Variants in TEX2 observed in about 807,000 individuals in gnomAD.
The protein encoded by TEX2 is testis expressed 2, also known as testis-expressed protein 2.
TEX2 carries 53 observed loss-of-function variants against 106.9 expected under a neutral mutation model. That is an observed-to-expected ratio of 0.50 (90% CI 0.40 to 0.62). The LOEUF is 0.62. TEX2 is among the 20% of genes least tolerant of loss of function. The pLI, the probability that TEX2 is intolerant of heterozygous loss-of-function variation, is 0.00. For synonymous variants in TEX2, 523 were observed against 534.8 expected (o/e 0.98, Z 0.30); for missense variants, 1,207 against 1,379.0 (o/e 0.88, Z 1.98).
chr17:64,172,667 G>C (rs973861226), intron 6 of TEX2, among the ~76,000 whole-genome samples: 1 of 152,178 alleles, frequency 6.6e-6, no homozygotes, highest in African/African-American at 2.4e-5. Context: ...TCCAGAGAGA[G>C]TAACAGCTCC....
intron 11 of TEX2, chr17:64,149,331 T>C (rs16947494): frequency 0.024 from 11,193 of 461,018 alleles, 288 homozygotes; most frequent in South Asian, 0.087. Context: ...GGCCTTTGAT[T>C]TTGTATACAT....
chr17:64,205,841 A>G lies in TEX2; in HGVS notation c.1644+6733T>C, dbSNP rs1232972366. ...AATTTTAGTCAAACTTGCAGGCCAT[A>G]TCTTTAAAAAAGAGATGGATTATCA... is the stretch of plus-strand genomic sequence containing the variant. On this transcript the variant is annotated intron_variant, in intron 2 of 11. Transcript: ENST00000584379. This position sits in a 1 kb window ranked among gnomAD's most constrained non-coding sequence, Gnocchi z 4.0. Among the ~76,000 whole-genome samples, 3 of 152,212 alleles carry G rather than the reference A, an allele frequency of 2.0e-5. No individual in the cohort carries two copies. The highest frequency in any genetic ancestry group is 7.2e-5 in the African/African-American group (3 of 41,454).
chr17:64,149,006 AG>A lies in TEX2; in HGVS notation c.3346del (p.Leu1116Ter). On this transcript the variant is annotated frameshift_variant, in exon 12 of 12. Transcript: ENST00000584379. LOFTEE classifies it high-confidence loss of function. ...AMDPRSTSCLLKDPPVEAADQ... is the reference protein window; with the variant it reads ...AMDPRSTSCLXKDPPVEAADQ... The stretch of plus-strand genomic sequence containing the variant: ...AGCAGCCTCCACAGGTGGGTCTTTC[AG>A]GAGGCAGGAAGTAGAGCGAGGGTCC... 1 of 1,614,232 alleles carries A rather than the reference AG, an allele frequency of 6.2e-7. No individual in the cohort carries two copies. Among genetic ancestry groups the A allele is most frequent in the Non-Finnish European group, 8.5e-7 (1 of 1,180,030 alleles).
At chr17:64,173,656 G>A (rs924617972) in intron 6 of TEX2, among the ~76,000 whole-genome samples, 20 of 152,166 alleles carry the variant, frequency 1.3e-4, no homozygotes, top group African/African-American at 4.6e-4. Flanking sequence ...AAGCATCAAT[G>A]TTATAAGTGG....
chr17:64,177,264 C>A, intron 6 of TEX2, 61 bp downstream of exon 6: 1 of 1,599,208 alleles, frequency 6.3e-7, no homozygotes, highest in African/African-American at 1.3e-5. Context: ...CATAAGGGTA[C>A]AAAATTTCCA....
intron 1 of TEX2, among the ~76,000 whole-genome samples, chr17:64,255,280 C>G (rs9901826): frequency 0.8 from 122,238 of 152,094 alleles, 49,348 homozygotes; most frequent in Middle Eastern, 0.89. Context: ...ACTTCTCATA[C>G]ACAAGTCTGT....
intron 8 of TEX2, among the ~76,000 whole-genome samples, chr17:64,159,290 G>A (rs146210734): frequency 6.6e-6 from 1 of 152,262 alleles, no homozygotes; most frequent in East Asian, 1.9e-4. Context: ...AGGTTGCTCT[G>A]CCACACTCCC....
intron 5 of TEX2, among the ~76,000 whole-genome samples, chr17:64,178,222 G>A (rs1004049158): frequency 1.2e-4 from 19 of 152,190 alleles, no homozygotes; most frequent in Non-Finnish European, 2.9e-5. Context: ...GGGGGAGAAA[G>A]TAAACCCAAG....
chr17:64,193,764 T>C lies in TEX2; in HGVS notation c.1971A>G (p.Glu657=), dbSNP rs1006313113. 1 of 1,613,800 alleles carries C rather than the reference T, an allele frequency of 6.2e-7. No individual in the cohort carries two copies. The highest frequency in any genetic ancestry group is 1.3e-5 in the African/African-American group (1 of 74,916). Residue 657 remains glutamate (E), a synonymous_variant, in exon 4 of 12, where the codon GAA becomes GAG. Coordinates refer to ENST00000584379, the MANE Select transcript of TEX2 (RefSeq NM_001288732.2). ...SKAQTDKETS[E]EKPPAEGSED... ...CACTTCCCTCAGCTGGCGGCTTCTCTTCTGAAGTCTCCTTATCAGTCTGAG... is the reference window on the plus strand; with the variant it reads ...CACTTCCCTCAGCTGGCGGCTTCTCCTCTGAAGTCTCCTTATCAGTCTGAG...
chr17:64,178,575 G>A (rs2031707920), intron 5 of TEX2, among the ~76,000 whole-genome samples: 1 of 152,188 alleles, frequency 6.6e-6, no homozygotes, highest in Admixed American at 6.5e-5. Context: ...GGTGGGGGAA[G>A]GGGAGCTGGC....
intron 1 of TEX2, among the ~76,000 whole-genome samples, chr17:64,225,033 G>A (rs1292831892): frequency 1.3e-5 from 2 of 151,772 alleles, no homozygotes; most frequent in Admixed American, 6.6e-5. Context: ...AATAAGTAAT[G>A]ATAACTCAGG....
intron 1 of TEX2, among the ~76,000 whole-genome samples, chr17:64,216,836 C>T (rs988318766): frequency 1.3e-5 from 2 of 152,198 alleles, no homozygotes; most frequent in East Asian, 1.9e-4. Context: ...TCAGACTGGG[C>T]GGACAGAGCT....
At chr17:64,167,217 G>A (rs1367142315) in intron 7 of TEX2, among the ~76,000 whole-genome samples, 1 of 152,226 alleles carries the variant, frequency 6.6e-6, no homozygotes, top group African/African-American at 2.4e-5. Context: ...ATTTCATTCA[G>A]AAGAACCACA....
intron 4 of TEX2, among the ~76,000 whole-genome samples, chr17:64,191,365 T>A (rs930977166): frequency 1.3e-5 from 2 of 152,206 alleles, no homozygotes; most frequent in Non-Finnish European, 2.9e-5. Flanking sequence ...GGGGGGCCCC[T>A]AAGTACCTAA....
intron 1 of TEX2, among the ~76,000 whole-genome samples, chr17:64,245,021 CAAAGGTACAATAAA>C (rs1466819330): frequency 2.0e-5 from 3 of 152,056 alleles, no homozygotes; most frequent in Non-Finnish European, 4.4e-5. Context: ...AAAATGTGAC[CAAAGGTACAATAAA>C]ATGAAAGGCT....
At chr17:64,222,801 AT>A (rs1400342533) in intron 1 of TEX2, among the ~76,000 whole-genome samples, 1 of 122,632 alleles carries the variant, frequency 8.2e-6, no homozygotes, top group Non-Finnish European at 1.6e-5. Flanking sequence ...ATGTAAATGT[AT>A]TTATGCTCCC....
chr17:64,160,523 G>A (rs1466321606), intron 8 of TEX2, among the ~76,000 whole-genome samples: 1 of 152,124 alleles, frequency 6.6e-6, no homozygotes, highest in African/African-American at 2.4e-5. Context: ...TGCCCTGCTT[G>A]TCTGAGTCAG....
intron 11 of TEX2, chr17:64,150,435 A>T (rs2030293622): frequency 2.0e-5 from 3 of 152,798 alleles, no homozygotes; most frequent in Non-Finnish European, 4.4e-5. Context: ...TGTTTGTTGA[A>T]CTGAACAAAC....
Position 64,212,807 on chromosome 17 carries a change from A to G in TEX2, c.1411T>C (p.Leu471=). 3 of 1,614,124 alleles carry G rather than the reference A, an allele frequency of 1.9e-6. No homozygotes were observed. Among genetic ancestry groups the G allele is most frequent in the Non-Finnish European group, 2.5e-6 (3 of 1,180,032 alleles). Reference sequence around the variant, plus strand: ...AAGAAGCCCAACGTCTTCACTGGCAATTCCGGGTGCTGCACGGCCGAGTCC... The same window carrying G: ...AAGAAGCCCAACGTCTTCACTGGCAGTTCCGGGTGCTGCACGGCCGAGTCC... The part of the protein sequence containing the change: ...EVDSAVQHPE[L]PVKTLGFFIM... Residue 471 remains leucine (L), a synonymous_variant, in exon 2 of 12, where the codon TTG becomes CTG. Transcript: ENST00000584379.
Sources: gnomAD v4.1 joint callset for allele counts (sites outside exome capture counted in the v4.1 genomes callset) on GRCh38, gnomAD v4.1.1 for gene constraint, Gnocchi (gnomAD v3.1) non-coding constraint, MANE v1.5 for transcripts, NCBI Gene and HGNC (gene_info 2026-07-23, HGNC 2026-07-21) for gene names.